Variants in ADGRF5 observed in about 807,000 individuals in gnomAD.
The protein encoded by ADGRF5 is G-protein coupled receptor 116.
A neutral mutation model predicts 132.3 loss-of-function variants in ADGRF5; 75 were observed. The ratio of observed to expected loss-of-function variants is 0.57; its 90% CI spans 0.47 to 0.69. The LOEUF (loss-of-function observed/expected upper bound fraction) is 0.69, where lower values mean the gene tolerates loss of function less well. Among genes scored for constraint, ADGRF5 ranks in the 30% least tolerant of loss-of-function variants. ADGRF5 has a pLI of 0.00. For missense variants in ADGRF5, 1,516 were observed against 1,630.6 expected (o/e 0.93, Z 1.21); for synonymous variants, 629 against 597.6 (o/e 1.05, Z -0.77).
At chr6:46,888,611 G>T in intron 3 of ADGRF5, 106 bp from the exon 4 acceptor site, 1 of 770,434 alleles carries the variant, frequency 1.3e-6, no homozygotes, top group Non-Finnish European at 2.2e-6. Flanking sequence ...CATGTGAATG[G>T]TTGGTCTATC....
intron 4 of ADGRF5, among the ~76,000 whole-genome samples, chr6:46,886,328 G>A (rs1773068369): frequency 6.6e-6 from 1 of 152,200 alleles, no homozygotes; most frequent in Non-Finnish European, 1.5e-5. Flanking sequence ...AGAAACTGGA[G>A]CTACTAACAA....
intron 1 of ADGRF5, among the ~76,000 whole-genome samples, chr6:46,953,629 T>TTA (rs1778581084): frequency 6.1e-5 from 4 of 65,072 alleles, no homozygotes; most frequent in African/African-American, 1.7e-4. Flanking sequence ...AAAAAAAAAA[T>TTA]TATATATATA....
rs1562175008 is a variant in ADGRF5 at position 46,877,304 on chromosome 6, T to TC, written c.1240+897dup. Among the ~76,000 whole-genome samples the TC allele has an allele frequency of 9.6e-4, 47 of 48,948 alleles. 2 individuals carry two copies. The highest frequency in any genetic ancestry group is 7.7e-3 in the Middle Eastern group (1 of 130). The allele number at this position is 48,948 out of a possible 152,430, so 32.1% of individuals were successfully genotyped here. Reference sequence around the variant, plus strand: ...CTTTCTTTCTTTCTCTCTCTCTCTCTCTTTCCTTCCTTCCTTCCTTCTTTC... The same window carrying TC: ...CTTTCTTTCTTTCTCTCTCTCTCTCTCCTTTCCTTCCTTCCTTCCTTCTTTC... On this transcript the variant is annotated intron_variant, in intron 10 of 20. Coordinates refer to ENST00000283296, the MANE Select transcript of ADGRF5 (RefSeq NM_001098518.2).
chr6:46,905,911 A>G (rs1373889556), intron 2 of ADGRF5, among the ~76,000 whole-genome samples: 1 of 152,206 alleles, frequency 6.6e-6, no homozygotes, highest in Non-Finnish European at 1.5e-5. Flanking sequence ...CATAACAATA[A>G]AAGGAAATCA....
In ADGRF5 at chr6:46,930,829, G is replaced by T. The variant is rs532855629; in HGVS notation, c.-25+23905C>A. On this transcript the variant is annotated intron_variant, in intron 1 of 20. Coordinates refer to the ADGRF5 transcript ENST00000265417. ...ACAGTTTGGGAGGCTGAGGCAGGGG[G>T]ATCCCTTGAGCCCAGGAGTTTGAAA... Among the ~76,000 whole-genome samples the T allele has an allele frequency of 2.6e-5, 4 of 152,250 alleles. 1 individual carries two copies. In the East Asian group the frequency reaches 7.7e-4, roughly 29 times the overall value.
chr6:46,857,748 G>C (rs2150776645), intron 17 of ADGRF5, among the ~76,000 whole-genome samples: 1 of 149,974 alleles, frequency 6.7e-6, no homozygotes, highest in Non-Finnish European at 1.5e-5. Context: ...GTCTCTATCA[G>C]GCATAGAGGT....
At chr6:46,893,903 T>A (rs1166995740) in intron 3 of ADGRF5, among the ~76,000 whole-genome samples, 1 of 152,194 alleles carries the variant, frequency 6.6e-6, no homozygotes, top group African/African-American at 2.4e-5. Context: ...ACAGGGACAT[T>A]TCTGGAAAGT....
At chr6:46,888,744 C>T (rs1190347848) in intron 3 of ADGRF5, among the ~76,000 whole-genome samples, 1 of 152,164 alleles carries the variant, frequency 6.6e-6, no homozygotes, top group East Asian at 1.9e-4. Flanking sequence ...AGAGCGGAAG[C>T]AGAGAGAATA....
chr6:46,932,771 T>C (rs7775991), intron 1 of ADGRF5, among the ~76,000 whole-genome samples: 113,442 of 152,128 alleles, frequency 0.75, 42,391 homozygotes, highest in East Asian at 0.85. Flanking sequence ...TACAGAGTCA[T>C]TGCTCCTGGG....
chr6:46,893,667 C>T (rs1456179640), intron 3 of ADGRF5, among the ~76,000 whole-genome samples: 1 of 152,184 alleles, frequency 6.6e-6, no homozygotes, highest in African/African-American at 2.4e-5. Flanking sequence ...TCCTCTTCTG[C>T]TCCTCAGGAT....
intron 15 of ADGRF5, among the ~76,000 whole-genome samples, chr6:46,862,037 C>T (rs1167833015): frequency 6.6e-6 from 1 of 151,424 alleles, no homozygotes; most frequent in African/African-American, 2.4e-5. Context: ...CTGATTTGGC[C>T]CATTTACCTT....
chr6:46,877,281 TTCTTTCTTTC>T (rs1162848635), intron 10 of ADGRF5, among the ~76,000 whole-genome samples: 612 of 55,486 alleles, frequency 0.011, 7 homozygotes, highest in African/African-American at 0.045. Context: ...CTTTCTTTCT[TTCTTTCTTTC>T]TCTCTCTCTC....
At position 46,853,844 on chromosome 6, in the gene ADGRF5, G is replaced by C. The variant is rs1427486768; in HGVS notation, c.*148C>G. 9.9e-6 allele frequency: 6 copies of C among 603,684 alleles called. No homozygotes were observed. The highest frequency in any genetic ancestry group is 4.5e-4 in the Middle Eastern group (1 of 2,198). 37.4% of individuals were successfully genotyped at this position (603,684 alleles called of 1,614,324 possible). On this transcript the variant is annotated 3_prime_UTR_variant, in exon 21 of 21. Coordinates refer to ENST00000283296, the MANE Select transcript of ADGRF5 (RefSeq NM_001098518.2). ...TTATTTTTATTCTGTCTTTACAAAA[G>C]AAAGCCTCTTCTCTATGAAAAAGTC...
intron 1 of ADGRF5, among the ~76,000 whole-genome samples, chr6:46,915,282 A>C (rs1562234777): frequency 6.7e-6 from 1 of 149,868 alleles, no homozygotes. Context: ...ATAATACTTG[A>C]CTATTTTAAT....
At chr6:46,869,308 C>A (rs1262182256) in intron 11 of ADGRF5, 2 of 1,403,540 alleles carry the variant, frequency 1.4e-6, no homozygotes, top group Non-Finnish European at 9.2e-7. Flanking sequence ...GCACTGTACT[C>A]ATTTCCATCA....
At chr6:46,917,739 C>T (rs1776551923) in intron 1 of ADGRF5, among the ~76,000 whole-genome samples, 1 of 152,020 alleles carries the variant, frequency 6.6e-6, no homozygotes, top group African/African-American at 2.4e-5. Flanking sequence ...CATTGTTCAA[C>T]TCCCACTTAT....
At chr6:46,953,672 T>C (rs1176951169) in intron 1 of ADGRF5, among the ~76,000 whole-genome samples, 4 of 133,406 alleles carry the variant, frequency 3.0e-5, no homozygotes, top group Non-Finnish European at 6.3e-5. Context: ...TATATATATA[T>C]ATATATATAT....
At chr6:46,938,486 A>T (rs1777931667) in intron 1 of ADGRF5, among the ~76,000 whole-genome samples, 1 of 152,220 alleles carries the variant, frequency 6.6e-6, no homozygotes, top group African/African-American at 2.4e-5. Flanking sequence ...AGGTGAGGCC[A>T]CTGGAAGTGA....
chr6:46,889,589 T>C (rs1358169340), intron 3 of ADGRF5, among the ~76,000 whole-genome samples: 1 of 145,740 alleles, frequency 6.9e-6, no homozygotes, highest in Non-Finnish European at 1.5e-5. Context: ...TATATATATA[T>C]ATATAGTCTG....
Sources: allele counts gnomAD v4.1 joint callset (sites outside exome capture counted in the v4.1 genomes callset), GRCh38; gene constraint gnomAD v4.1.1; transcripts MANE v1.5; gene names NCBI Gene and HGNC (gene_info 2026-07-23, HGNC 2026-07-21).